Variants in FBXW10B observed in about 807,000 individuals in gnomAD.
FBXW10B encodes the protein F-box and WD repeat domain containing 10B, also known as F-box and WD repeat domain containing protein 10B.
the FBXW10B span, among the ~76,000 whole-genome samples, chr17:15,595,311 G>A: frequency 6.6e-6 from 1 of 152,004 alleles, no homozygotes; most frequent in East Asian, 1.9e-4. Context: ...CTGTGCTCCA[G>A]CCTGGTGACA....
chr17:15,583,830 G>C, the FBXW10B span, among the ~76,000 whole-genome samples: 3 of 152,128 alleles, frequency 2.0e-5, no homozygotes, highest in African/African-American at 7.2e-5. Flanking sequence ...ATGAGGTAAT[G>C]CTATCTCAGT....
the FBXW10B span, among the ~76,000 whole-genome samples, chr17:15,581,054 A>G: frequency 6.6e-6 from 1 of 152,286 alleles, no homozygotes; most frequent in Middle Eastern, 3.4e-3. Context: ...TTGAGCCTTT[A>G]CCTAAGCAAG....
chr17:15,612,908 T>A, the FBXW10B span: 1 of 1,514,922 alleles, frequency 6.6e-7, no homozygotes, highest in East Asian at 2.4e-5. Context: ...GAAAAACTAG[T>A]TCTTGGCAAA....
the FBXW10B span, chr17:15,619,381 C>A: frequency 2.5e-6 from 4 of 1,613,812 alleles, no homozygotes; most frequent in South Asian, 4.4e-5. Context: ...TCCTGCAGAA[C>A]CACTCTTTGG....
the FBXW10B span, chr17:15,598,686 T>G: frequency 1.8e-5 from 29 of 1,598,876 alleles, no homozygotes; most frequent in African/African-American, 3.8e-4. Flanking sequence ...ATGTGAGAGT[T>G]CCTGAGGGCC....
chr17:15,601,870 T>C, the FBXW10B span, among the ~76,000 whole-genome samples: 1 of 152,094 alleles, frequency 6.6e-6, no homozygotes, highest in Non-Finnish European at 1.5e-5. Context: ...CCCAGCACTT[T>C]GGGAGGCCGA....
At chr17:15,593,207 A>G in the FBXW10B span, 56 of 1,480,364 alleles carry the variant, frequency 3.8e-5, no homozygotes, top group Middle Eastern at 4.4e-4. Context: ...CACCCAGCCA[A>G]AATTGTAGAG....
chr17:15,581,840 A>G, the FBXW10B span, among the ~76,000 whole-genome samples: 1 of 148,974 alleles, frequency 6.7e-6, no homozygotes, highest in African/African-American at 2.5e-5. Flanking sequence ...GGATCTACCC[A>G]GAAATTCCAA....
chr17:15,583,544 G>A, the FBXW10B span, among the ~76,000 whole-genome samples: 1 of 148,948 alleles, frequency 6.7e-6, no homozygotes, highest in Non-Finnish European at 1.5e-5. Context: ...AGGGAATGCG[G>A]TATTAGGCTA....
At chr17:15,610,905 C>T in the FBXW10B span, among the ~76,000 whole-genome samples, 1 of 152,208 alleles carries the variant, frequency 6.6e-6, no homozygotes, top group Admixed American at 6.5e-5. Context: ...CTCTTTCACT[C>T]AGCTGGCTGG....
chr17:15,592,295 G>GTTTTTTTTTTTTT, the FBXW10B span, among the ~76,000 whole-genome samples: 4 of 107,698 alleles, frequency 3.7e-5, no homozygotes, highest in Non-Finnish European at 7.4e-5. Flanking sequence ...AATGGCCAGA[G>GTTTTTTTTTTTTT]TTTTTTTTTT....
the FBXW10B span, chr17:15,589,292 T>C: frequency 6.3e-7 from 1 of 1,583,614 alleles, no homozygotes; most frequent in South Asian, 1.1e-5. Flanking sequence ...ACATACACTT[T>C]CCCTTGTAGG....
the FBXW10B span, chr17:15,573,261 G>A: frequency 1.3e-5 from 2 of 152,104 alleles, no homozygotes; most frequent in African/African-American, 4.8e-5. Flanking sequence ...AGCACCAACA[G>A]AAATACATTT....
the FBXW10B span, chr17:15,594,836 G>T: frequency 1.2e-6 from 2 of 1,614,106 alleles, no homozygotes; most frequent in Non-Finnish European, 1.7e-6. Flanking sequence ...CCTGAGAGGA[G>T]ATGCCACTGG....
chr17:15,589,551 T>C, the FBXW10B span, among the ~76,000 whole-genome samples: 1 of 151,670 alleles, frequency 6.6e-6, no homozygotes, highest in Non-Finnish European at 1.5e-5. Flanking sequence ...TTTATTTTTA[T>C]ATGATTTGCT....
the FBXW10B span, among the ~76,000 whole-genome samples, chr17:15,616,041 T>C: frequency 1.3e-5 from 2 of 152,126 alleles, no homozygotes; most frequent in South Asian, 2.1e-4. Flanking sequence ...GAGTTGTTTA[T>C]ACAAGCAGAG....
At chr17:15,601,125 A>G in the FBXW10B span, among the ~76,000 whole-genome samples, 1 of 149,602 alleles carries the variant, frequency 6.7e-6, no homozygotes, top group African/African-American at 2.5e-5. Flanking sequence ...AAAACCAATT[A>G]TTGGCCAGGT....
chr17:15,595,716 A>G, the FBXW10B span, among the ~76,000 whole-genome samples: 4 of 152,088 alleles, frequency 2.6e-5, no homozygotes, highest in South Asian at 8.3e-4. Flanking sequence ...TGCAAATCAT[A>G]TATCAACACC....
chr17:15,594,772 C>A, the FBXW10B span: 1 of 1,613,898 alleles, frequency 6.2e-7, no homozygotes, highest in Admixed American at 1.7e-5. Flanking sequence ...GGCCATCAGG[C>A]AGCGCTCGTA....
Sources: gnomAD v4.1 joint callset for allele counts (sites outside exome capture counted in the v4.1 genomes callset) on GRCh38, gnomAD v4.1.1 for gene constraint, MANE v1.5 for transcripts, NCBI Gene and HGNC (gene_info 2026-07-23, HGNC 2026-07-21) for gene names.